The following PPIL6 variants were observed in gnomAD, a reference collection of about 807,000 sequenced individuals.
PPIL6 encodes probable inactive peptidyl-prolyl cis-trans isomerase-like 6.
Under a neutral mutation model 36.8 loss-of-function variants are expected in PPIL6, and 39 were observed. That is an observed-to-expected ratio of 1.06 (90% CI 0.82 to 1.38). The LOEUF (loss-of-function observed/expected upper bound fraction) is 1.38, where lower values mean the gene tolerates loss of function less well. Ranked by LOEUF, PPIL6 falls within the 40% of genes most tolerant of loss-of-function variation. The pLI, the probability that PPIL6 is intolerant of heterozygous loss-of-function variation, is 0.00. For synonymous variants in PPIL6, 123 were observed against 134.1 expected, an observed-to-expected ratio of 0.92 and a Z score of 0.57; for missense variants, 368 against 379.1, an observed-to-expected ratio of 0.97 and a Z score of 0.24.
chr6:109,401,020 C>A (rs891626949), intron 6 of PPIL6, among the ~76,000 whole-genome samples: 1 of 146,978 alleles, frequency 6.8e-6, no homozygotes, highest in African/African-American at 2.6e-5. Context: ...CCACCATGCC[C>A]GGCTAATTTT....
intron 6 of PPIL6, among the ~76,000 whole-genome samples, chr6:109,400,378 T>C (rs1043581315): frequency 2.6e-5 from 4 of 152,224 alleles, no homozygotes; most frequent in East Asian, 3.8e-4. Flanking sequence ...ATTAGAACTA[T>C]TGGAACATTC....
upstream of PPIL6, chr6:109,441,086 G>T (rs200126871): frequency 3.1e-5 from 50 of 1,613,332 alleles, no homozygotes. Flanking sequence ...TCGCTGGAGA[G>T]TTCGAGCCGC....
chr6:109,440,564 G>T lies in PPIL6; in HGVS notation c.27C>A (p.Pro9=), dbSNP rs1000982062. 2.1e-6 allele frequency: 3 copies of T among 1,447,648 alleles called. No individual in the cohort carries two copies. Among genetic ancestry groups the T allele is most frequent in the Middle Eastern group, 2.2e-4 (1 of 4,464 alleles). The allele number at this position is 1,447,648 out of a possible 1,614,324, so 89.7% of individuals were successfully genotyped here. A position where few individuals can be genotyped will look rare whatever the true frequency, so the allele number is the denominator to read the frequency against. Residue 9 remains proline, a synonymous_variant, in exon 1 of 8, where the codon CCC becomes CCA. Coordinates refer to ENST00000521072, the MANE Select transcript of PPIL6 (RefSeq NM_173672.5). MARPQPCG[P]PHARCGSPSL... is the part of the protein sequence containing the mutation. Reference sequence around the variant, plus strand: ...ACGGCGAGCCGCACCTAGCGTGCGGGGGCCCGCACGGCTGCGGCCTTGCCA... The same window carrying T: ...ACGGCGAGCCGCACCTAGCGTGCGGTGGCCCGCACGGCTGCGGCCTTGCCA...
intron 7 of PPIL6, among the ~76,000 whole-genome samples, chr6:109,399,222 C>T (rs535219673): frequency 1.3e-5 from 2 of 152,064 alleles, no homozygotes; most frequent in South Asian, 4.2e-4. Context: ...ATTATCCTGC[C>T]TCAGCCTCCC....
chr6:109,440,567 C>T lies in PPIL6; in HGVS notation c.24G>A (p.Gly8=), dbSNP rs541955468. Residue 8 remains glycine (G), a synonymous_variant, in exon 1 of 8, where the codon GGG becomes GGA. Transcript: ENST00000521072. ...GCGAGCCGCACCTAGCGTGCGGGGG[C>T]CCGCACGGCTGCGGCCTTGCCATGG... The part of the protein sequence containing the change: MARPQPC[G]PPHARCGSPS... The T allele has an allele frequency of 4.1e-4, 585 of 1,443,156 alleles. 4 individuals are homozygous for T. In the South Asian group the frequency reaches 5.3e-3, roughly 13 times the overall value. 89.4% of individuals were successfully genotyped at this position (1,443,156 alleles called of 1,614,324 possible).
chr6:109,436,235 G>C (rs1562275988), intron 1 of PPIL6, 36 bp from the exon 2 acceptor site: 1 of 1,246,632 alleles, frequency 8.0e-7, no homozygotes, highest in Non-Finnish European at 1.2e-6. Context: ...TTTAGAGTTA[G>C]TTCTCTTTTA....
intron 1 of PPIL6, 63 bp from the exon 2 acceptor site, chr6:109,436,262 C>T: frequency 2.0e-6 from 2 of 1,020,662 alleles, no homozygotes; most frequent in South Asian, 1.4e-5. Context: ...AAATCATGTT[C>T]CCCAATTTTT....
intron 2 of PPIL6, among the ~76,000 whole-genome samples, chr6:109,435,296 C>CTTTT (rs911840164): frequency 7.6e-6 from 1 of 131,948 alleles, no homozygotes; most frequent in African/African-American, 2.9e-5. Context: ...AAATGTTGCA[C>CTTTT]TTTTTTTTTT....
chr6:109,438,612 G>T (rs750831350), intron 1 of PPIL6, among the ~76,000 whole-genome samples: 48 of 151,498 alleles, frequency 3.2e-4, no homozygotes, highest in Non-Finnish European at 5.0e-4. Context: ...TTTTAAGACA[G>T]AGTCTCACTC....
chr6:109,407,254 T>C (rs1275644609), intron 6 of PPIL6, among the ~76,000 whole-genome samples: 3 of 151,964 alleles, frequency 2.0e-5, no homozygotes, highest in Admixed American at 6.6e-5. Context: ...TTTTTTTTTT[T>C]CTTGAGATGG....
chr6:109,440,441 T>C lies in PPIL6; in HGVS notation c.135+15A>G. 1 of 1,537,912 alleles carries C rather than the reference T, an allele frequency of 6.5e-7. No individual in the cohort carries two copies. Among genetic ancestry groups the C allele is most frequent in the Non-Finnish European group, 8.8e-7 (1 of 1,140,478 alleles). On this transcript the variant is annotated intron_variant, in intron 1 of 7. Coordinates refer to ENST00000521072, the MANE Select transcript of PPIL6 (RefSeq NM_173672.5). ...CGGGGAGGGCCGCCCACGACGGAGG[T>C]TTCTCTGTGGTTACCTCAGCGGCGC...
At chr6:109,439,293 C>G (rs1388255954) in intron 1 of PPIL6, among the ~76,000 whole-genome samples, 2 of 152,156 alleles carry the variant, frequency 1.3e-5, no homozygotes, top group Non-Finnish European at 2.9e-5. Context: ...CAACACAGAC[C>G]ACAATTTCTA....
chr6:109,403,615 T>C (rs1391285593), intron 6 of PPIL6, among the ~76,000 whole-genome samples: 1 of 152,090 alleles, frequency 6.6e-6, no homozygotes, highest in Non-Finnish European at 1.5e-5. Flanking sequence ...CAGAAACCAA[T>C]AGCTGAAACT....
At chr6:109,401,026 ATTTTTTTTTT>A (rs749611966) in intron 6 of PPIL6, among the ~76,000 whole-genome samples, 2 of 114,950 alleles carry the variant, frequency 1.7e-5, no homozygotes, top group East Asian at 2.5e-4. Flanking sequence ...TGCCCGGCTA[ATTTTTTTTTT>A]TTTTTTTTTT....
Position 109,400,098 on chromosome 6 carries a change from C to T in PPIL6, c.761G>A (p.Gly254Glu), listed in dbSNP as rs371615176. 8 of 1,613,578 alleles carry T rather than the reference C, an allele frequency of 5.0e-6. No individual in the cohort carries two copies. The highest frequency in any genetic ancestry group is 1.3e-5 in the African/African-American group (1 of 74,886). ...TTGCAGTGTGATATAGAATTGTGAC[C>T]CGTTGCTGTGACGGCCTTTGTTGGC... ...GMANKGRHSN[G>E]SQFYITLQAT... is the part of the protein sequence containing the mutation. Residue 254 changes from glycine to glutamate, a missense_variant, in exon 7 of 8, where the codon GGG becomes GAG. By Grantham distance (98) the Gly-to-Glu change is moderately conservative. Coordinates refer to ENST00000521072, the MANE Select transcript of PPIL6 (RefSeq NM_173672.5).
intron 6 of PPIL6, among the ~76,000 whole-genome samples, chr6:109,407,525 C>T (rs1423868345): frequency 2.0e-5 from 3 of 152,146 alleles, no homozygotes; most frequent in African/African-American, 4.8e-5. Flanking sequence ...AGGCACCGCG[C>T]CCGGCCAGGA....
Position 109,429,714 on chromosome 6 carries a change from G to A in PPIL6, c.420+1443C>T, listed in dbSNP as rs532894536. Among the ~76,000 whole-genome samples, 3 of 152,338 alleles carry A rather than the reference G, an allele frequency of 2.0e-5. No individual in the cohort carries two copies. In the East Asian group the frequency reaches 5.8e-4, roughly 29 times the overall value. ...AACAAGGGCCAGCAGTGCCATGGCA[G>A]TTCCCTGGCAGCACATCCCTGCAGT... On this transcript the variant is annotated intron_variant, in intron 3 of 7. Transcript: ENST00000521072.
chr6:109,399,840 C>A (rs1772454737), intron 7 of PPIL6, among the ~76,000 whole-genome samples, 195 bp downstream of exon 7: 1 of 152,172 alleles, frequency 6.6e-6, no homozygotes, highest in Non-Finnish European at 1.5e-5. Context: ...TGTGTCTGGC[C>A]AGTTTCTGTG....
chr6:109,410,156 T>A (rs1317799128), intron 6 of PPIL6, among the ~76,000 whole-genome samples: 1 of 152,240 alleles, frequency 6.6e-6, no homozygotes, highest in Non-Finnish European at 1.5e-5. Context: ...GTGTCCCATG[T>A]GGAAGATCAG....
Sources: allele counts gnomAD v4.1 joint callset (sites outside exome capture counted in the v4.1 genomes callset), GRCh38; gene constraint gnomAD v4.1.1; transcripts MANE v1.5; gene names NCBI Gene and HGNC (gene_info 2026-07-23, HGNC 2026-07-21).